Variants in SLC25A36 observed in about 807,000 individuals in gnomAD.
SLC25A36 encodes solute carrier family 25 member 36.
A neutral mutation model predicts 35.3 loss-of-function variants in SLC25A36; 24 were observed. The ratio of observed to expected loss-of-function variants is 0.68; its 90% CI spans 0.49 to 0.96. The LOEUF is 0.96. Among genes scored for constraint, SLC25A36 ranks in the 40% least tolerant of loss-of-function variants. The pLI, the probability that SLC25A36 is intolerant of heterozygous loss-of-function variation, is 0.00. For missense variants in SLC25A36, 294 were observed against 381.1 expected, an observed-to-expected ratio of 0.77 and a Z score of 1.90; for synonymous variants, 141 against 132.2, an observed-to-expected ratio of 1.07 and a Z score of -0.46.
intron 2 of SLC25A36, 52 bp from the exon 3 acceptor site, chr3:140,959,411 A>T: frequency 1.1e-6 from 1 of 952,280 alleles, no homozygotes; most frequent in South Asian, 1.8e-5. Context: ...AAGTAAATAA[A>T]GTACCAGACT....
chr3:140,945,003 C>T (rs146658146), intron 1 of SLC25A36, among the ~76,000 whole-genome samples: 9 of 152,278 alleles, frequency 5.9e-5, no homozygotes, highest in Non-Finnish European at 1.0e-4. Flanking sequence ...TCTCCTTTTC[C>T]TCTGTCTTGC....
Position 140,970,983 on chromosome 3 carries a change from CT to C in SLC25A36, c.444del (p.Asp149MetfsTer25). ...PIWLIKTRLQ[L>X]DARNRGERRM... ...TTGGCTTATAAAGACTCGGTTACAG[CT>C]TGATGCAAGGTATGTTAATTCCTTA... On this transcript the variant is annotated frameshift_variant, in exon 5 of 7. Coordinates refer to ENST00000324194, the MANE Select transcript of SLC25A36 (RefSeq NM_001104647.3). LOFTEE classifies it high-confidence loss of function. The C allele has an allele frequency of 7.0e-7, 1 of 1,434,472 alleles. No homozygotes were observed. Among genetic ancestry groups the C allele is most frequent in the Non-Finnish European group, 9.8e-7 (1 of 1,018,112 alleles). 88.9% of individuals were successfully genotyped at this position (1,434,472 alleles called of 1,614,324 possible). A position where few individuals can be genotyped will look rare whatever the true frequency, so the allele number is the denominator to read the frequency against.
chr3:140,975,670 GGACT>G (rs1343166330), intron 6 of SLC25A36, among the ~76,000 whole-genome samples: 7 of 152,118 alleles, frequency 4.6e-5, no homozygotes, highest in Non-Finnish European at 8.8e-5. Flanking sequence ...AGGAAAAATT[GGACT>G]GACTAATCTT....
chr3:140,966,857 G>A, intron 4 of SLC25A36: 1 of 440,448 alleles, frequency 2.3e-6, no homozygotes. Flanking sequence ...CCTTCCAATA[G>A]GATTCAATTT....
intron 4 of SLC25A36, chr3:140,968,374 G>T: frequency 6.9e-6 from 6 of 868,598 alleles, no homozygotes; most frequent in Non-Finnish European, 8.3e-6. Flanking sequence ...AGCTCTCATT[G>T]GGAGAGTTGA....
intron 1 of SLC25A36, among the ~76,000 whole-genome samples, chr3:140,953,719 G>A (rs1189666639): frequency 6.6e-6 from 1 of 152,188 alleles, no homozygotes; most frequent in Non-Finnish European, 1.5e-5. Flanking sequence ...TACTTTGGAA[G>A]CCTGAAGTGG....
At position 140,979,123 on chromosome 3, in the gene SLC25A36, A is replaced by G. The variant is rs190512266; in HGVS notation, c.*2670A>G. 1 of 152,162 alleles carries G rather than the reference A, an allele frequency of 6.6e-6. No individual in the cohort carries two copies. Among genetic ancestry groups the G allele is most frequent in the Non-Finnish European group, 1.5e-5 (1 of 68,000 alleles). The allele number at this position is 152,162 out of a possible 1,614,324, so 9.4% of individuals were successfully genotyped here. The stretch of plus-strand genomic sequence containing the variant: ...ACCAAAAGTTCGTTTGATTCTCATT[A>G]TGTAACTTTGTAGAACCATCCTTTC... On this transcript the variant is annotated 3_prime_UTR_variant, in exon 7 of 7. Transcript: ENST00000324194.
intron 1 of SLC25A36, among the ~76,000 whole-genome samples, chr3:140,949,036 C>T (rs1192577668): frequency 2.0e-5 from 3 of 152,130 alleles, no homozygotes; most frequent in African/African-American, 7.2e-5. Flanking sequence ...CCAACAGAGG[C>T]CTTGCTCTTT....
intron 1 of SLC25A36, among the ~76,000 whole-genome samples, chr3:140,955,133 T>C (rs544522816): frequency 5.9e-5 from 9 of 152,248 alleles, no homozygotes; most frequent in East Asian, 1.9e-4. Context: ...TTTTATCTTA[T>C]TTTCTTTGTG....
At chr3:140,951,947 C>A (rs1296457159) in intron 1 of SLC25A36, among the ~76,000 whole-genome samples, 1 of 152,046 alleles carries the variant, frequency 6.6e-6, no homozygotes, top group East Asian at 1.9e-4. Flanking sequence ...GATCCTCTTA[C>A]CTTGACCTCC....
intron 4 of SLC25A36, among the ~76,000 whole-genome samples, chr3:140,967,352 C>A (rs1297751169): frequency 6.6e-6 from 1 of 151,702 alleles, no homozygotes; most frequent in Non-Finnish European, 1.5e-5. Context: ...AATCATAGTT[C>A]TCTTTGCTTA....
intron 1 of SLC25A36, among the ~76,000 whole-genome samples, chr3:140,950,628 A>G (rs948188402): frequency 1.3e-5 from 2 of 152,152 alleles, no homozygotes; most frequent in Admixed American, 6.5e-5. Flanking sequence ...TCCCAGATGT[A>G]TAGTTTGGTT....
intron 4 of SLC25A36, chr3:140,968,062 T>G: frequency 1.0e-6 from 1 of 985,152 alleles, no homozygotes; most frequent in Non-Finnish European, 1.2e-6. Flanking sequence ...GAAGATATGT[T>G]TAGCTTGGGC....
At position 140,942,120 on chromosome 3, in the gene SLC25A36, A is replaced by G. The variant is rs112848230; in HGVS notation, c.41+25A>G. The stretch of plus-strand genomic sequence containing the variant: ...GGTAAGGTCCTGGCGGGGCGTGCGC[A>G]CTGGGGCTGAGGGTGCTGGGGCCGA... On this transcript the variant is annotated intron_variant, in intron 1 of 6. Coordinates refer to ENST00000324194, the MANE Select transcript of SLC25A36 (RefSeq NM_001104647.3). The G allele has an allele frequency of 2.7e-3, 2,934 of 1,080,416 alleles. 75 individuals carry two copies. In the African/African-American group the frequency reaches 0.047, roughly 17 times the overall value. The allele number at this position is 1,080,416 out of a possible 1,614,324, so 66.9% of individuals were successfully genotyped here. A position where few individuals can be genotyped will look rare whatever the true frequency, so the allele number is the denominator to read the frequency against.
chr3:140,960,137 GTCT>G (rs931730176), intron 3 of SLC25A36, among the ~76,000 whole-genome samples: 19 of 152,232 alleles, frequency 1.2e-4, no homozygotes, highest in African/African-American at 4.1e-4. Flanking sequence ...AGTGTATTGA[GTCT>G]TCTGGGGAGA....
intron 4 of SLC25A36, chr3:140,968,182 G>T (rs1490366649): frequency 1.1e-6 from 1 of 927,802 alleles, no homozygotes; most frequent in African/African-American, 1.8e-5. Context: ...GATGTAATTA[G>T]CCTAGTAATG....
At chr3:140,950,591 G>A (rs569041924) in intron 1 of SLC25A36, among the ~76,000 whole-genome samples, 1 of 152,278 alleles carries the variant, frequency 6.6e-6, no homozygotes, top group South Asian at 2.1e-4. Context: ...AGGGTATACA[G>A]TAGGCAATTT....
chr3:140,947,958 A>G (rs1389263924), intron 1 of SLC25A36, among the ~76,000 whole-genome samples: 1 of 152,018 alleles, frequency 6.6e-6, no homozygotes, highest in Non-Finnish European at 1.5e-5. Context: ...TTTTTTAATT[A>G]TTATTATTTT....
At chr3:140,954,268 G>T (rs1248029000) in intron 1 of SLC25A36, among the ~76,000 whole-genome samples, 1 of 152,188 alleles carries the variant, frequency 6.6e-6, no homozygotes, top group Non-Finnish European at 1.5e-5. Flanking sequence ...TTATATAGTT[G>T]TACCACAGTT....
Sources: allele counts gnomAD v4.1 joint callset (sites outside exome capture counted in the v4.1 genomes callset), GRCh38; gene constraint gnomAD v4.1.1; transcripts MANE v1.5; gene names NCBI Gene and HGNC (gene_info 2026-07-23, HGNC 2026-07-21).